UXS1: variants seen among roughly 807,000 people sequenced by gnomAD.
UXS1 encodes UDP-glucuronic acid decarboxylase 1.
UXS1 carries 33 observed loss-of-function variants against 62.6 expected under a neutral mutation model. The observed-to-expected ratio is 0.53, with a 90% CI of 0.40 to 0.70. The LOEUF (loss-of-function observed/expected upper bound fraction) is 0.70. UXS1 is among the 30% of genes least tolerant of loss of function. The pLI is 0.00. For synonymous variants in UXS1, 213 were observed against 206.8 expected, an observed-to-expected ratio of 1.03 and a Z score of -0.26; for missense variants, 434 against 556.3, an observed-to-expected ratio of 0.78 and a Z score of 2.21.
chr2:106,165,131 G>A (rs961120121), intron 2 of UXS1, among the ~76,000 whole-genome samples: 1 of 152,122 alleles, frequency 6.6e-6, no homozygotes, highest in African/African-American at 2.4e-5. Flanking sequence ...GTGCCTGCTG[G>A]GCTTTCCTGG....
At chr2:106,107,962 C>T (rs916857611) in intron 10 of UXS1, among the ~76,000 whole-genome samples, 3 of 152,218 alleles carry the variant, frequency 2.0e-5, no homozygotes, top group African/African-American at 7.2e-5. Context: ...GGCTGTTCTG[C>T]CTGGGCTGCA....
rs146843298 is a variant in UXS1, at chr2:106,172,354, G to A, written c.95-6271C>T. ...TTTATTGAGACCTAGGCCTCTAGAC[G>A]GAACCATGCACAGAGAAAGAAAAGG... On this transcript the variant is annotated intron_variant, in intron 1 of 14. Coordinates refer to ENST00000283148, the MANE Select transcript of UXS1 (RefSeq NM_001253875.2). Among the ~76,000 whole-genome samples the A allele has an allele frequency of 4.8e-3, 726 of 152,284 alleles. 8 individuals carry two copies. Among genetic ancestry groups the A allele is most frequent in the African/African-American group, 0.016 (666 of 41,560 alleles).
chr2:106,175,922 C>T (rs908875488), intron 1 of UXS1, among the ~76,000 whole-genome samples: 3 of 152,180 alleles, frequency 2.0e-5, no homozygotes, highest in African/African-American at 7.2e-5. Flanking sequence ...TAACCACAAC[C>T]AAAACAGTGC....
intron 9 of UXS1, among the ~76,000 whole-genome samples, chr2:106,121,670 T>C (rs1488581914): frequency 6.6e-6 from 1 of 152,142 alleles, no homozygotes; most frequent in Non-Finnish European, 1.5e-5. Flanking sequence ...ATAGAGGAAG[T>C]GGATAATGTA....
intron 4 of UXS1, among the ~76,000 whole-genome samples, chr2:106,160,892 T>A (rs1682847014): frequency 6.6e-6 from 1 of 152,222 alleles, no homozygotes; most frequent in African/African-American, 2.4e-5. Context: ...AGTTTTAGAT[T>A]TCATATGTAT....
chr2:106,171,955 C>G (rs1392519129), intron 1 of UXS1, among the ~76,000 whole-genome samples: 1 of 152,248 alleles, frequency 6.6e-6, no homozygotes, highest in African/African-American at 2.4e-5. Flanking sequence ...GCTGGATGCT[C>G]AGTGAAATCA....
At chr2:106,120,400 A>C (rs1000487731) in intron 9 of UXS1, among the ~76,000 whole-genome samples, 24 of 152,208 alleles carry the variant, frequency 1.6e-4, no homozygotes, top group Admixed American at 1.5e-3. Context: ...GTCCTCCCTG[A>C]CATAATGACT....
intron 1 of UXS1, among the ~76,000 whole-genome samples, chr2:106,188,677 G>T (rs577195304): frequency 4.6e-4 from 70 of 152,192 alleles, no homozygotes; most frequent in Admixed American, 2.2e-3. Flanking sequence ...AGCCCGGGAG[G>T]ACCAACCCGC....
chr2:106,153,946 T>A (rs1473591453), intron 5 of UXS1, among the ~76,000 whole-genome samples: 1 of 152,092 alleles, frequency 6.6e-6, no homozygotes, highest in Non-Finnish European at 1.5e-5. Flanking sequence ...AACTAAAAAT[T>A]CAACAAAGGG....
At chr2:106,149,361 C>T (rs1000712792) in intron 5 of UXS1, among the ~76,000 whole-genome samples, 2 of 152,172 alleles carry the variant, frequency 1.3e-5, no homozygotes, top group South Asian at 2.1e-4. Flanking sequence ...ACCAAAAGCA[C>T]ATTTTGGTAA....
intron 1 of UXS1, among the ~76,000 whole-genome samples, chr2:106,185,311 A>G (rs191121670): frequency 1.1e-3 from 160 of 152,338 alleles, no homozygotes; most frequent in Admixed American, 3.4e-3. Context: ...ACTATGGTGG[A>G]AAATGGGAAA....
intron 5 of UXS1, among the ~76,000 whole-genome samples, chr2:106,146,337 G>A (rs1254298997): frequency 6.6e-6 from 1 of 152,144 alleles, no homozygotes; most frequent in Non-Finnish European, 1.5e-5. Flanking sequence ...AGTATTAATA[G>A]GAAGACAGCA....
At chr2:106,171,204 T>A (rs1683534317) in intron 1 of UXS1, among the ~76,000 whole-genome samples, 1 of 152,210 alleles carries the variant, frequency 6.6e-6, no homozygotes, top group Non-Finnish European at 1.5e-5. Context: ...TCATAAAAAT[T>A]TTCATTTAGA....
At chr2:106,117,480 T>C (rs1478780690) in intron 9 of UXS1, among the ~76,000 whole-genome samples, 1 of 152,186 alleles carries the variant, frequency 6.6e-6, no homozygotes, top group African/African-American at 2.4e-5. Flanking sequence ...TCCAAGAACC[T>C]GCTGATGGTG....
chr2:106,187,632 C>T (rs971735982), intron 1 of UXS1, among the ~76,000 whole-genome samples: 1 of 152,086 alleles, frequency 6.6e-6, no homozygotes, highest in African/African-American at 2.4e-5. Context: ...TTAAGTAACA[C>T]TGACAGGAAA....
intron 1 of UXS1, among the ~76,000 whole-genome samples, chr2:106,167,626 T>C (rs779311440): frequency 3.9e-5 from 6 of 151,952 alleles, no homozygotes; most frequent in Non-Finnish European, 8.8e-5. Flanking sequence ...AAGACAGCAA[T>C]ATATGACCAA....
In UXS1 at chr2:106,186,686, C is replaced by T. The variant is rs190220187; in HGVS notation, c.94+7462G>A. ...TTTTTTAATTAGCTGGCTGTGGTGG[C>T]ACACACCTGTAGTCCCAGCTACTCA... On this transcript the variant is annotated intron_variant, in intron 1 of 14. Coordinates refer to ENST00000283148, the MANE Select transcript of UXS1 (RefSeq NM_001253875.2). 5.3e-5 allele frequency among the ~76,000 whole-genome samples: 8 copies of T among 152,160 alleles called. No homozygotes were observed. In the East Asian group the frequency reaches 9.6e-4, roughly 18 times the overall value.
At chr2:106,104,882 G>A (rs780133043) in intron 10 of UXS1, 45 bp from the exon 11 acceptor site, 23 of 1,611,906 alleles carry the variant, frequency 1.4e-5, no homozygotes, top group Middle Eastern at 1.6e-4. Flanking sequence ...AACCACACCC[G>A]TCCTGCGTAG....
chr2:106,189,102 G>A (rs145272279), intron 1 of UXS1, among the ~76,000 whole-genome samples: 116 of 152,322 alleles, frequency 7.6e-4, no homozygotes, highest in Admixed American at 2.5e-3. Context: ...TATCAGAATA[G>A]TAGTAGTCCC....
Sources: allele counts gnomAD v4.1 joint callset (sites outside exome capture counted in the v4.1 genomes callset), GRCh38; gene constraint gnomAD v4.1.1; transcripts MANE v1.5; gene names NCBI Gene and HGNC (gene_info 2026-07-23, HGNC 2026-07-21).